TTC28: variants seen among roughly 807,000 people sequenced by gnomAD.
The protein encoded by TTC28 is tetratricopeptide repeat protein 28.
In TTC28, 61 loss-of-function variants were observed where a neutral mutation model predicts 198.0. That is an observed-to-expected ratio of 0.31 (90% CI 0.25 to 0.38). The LOEUF (loss-of-function observed/expected upper bound fraction) is 0.38, where lower values mean the gene tolerates loss of function less well. Among genes scored for constraint, TTC28 ranks in the 10% least tolerant of loss-of-function variants. The pLI is 1.00. For synonymous variants in TTC28, 1,171 were observed against 1,297.8 expected (o/e 0.90, Z 2.10); for missense variants, 2,678 against 3,164.0 (o/e 0.85, Z 3.69).
At chr22:28,502,570 TC>T (rs1442179982) in intron 2 of TTC28, among the ~76,000 whole-genome samples, 3 of 150,886 alleles carry the variant, frequency 2.0e-5, no homozygotes, top group East Asian at 2.0e-4. Flanking sequence ...ATGGTGTGAA[TC>T]CGGGAGGCAG....
chr22:28,044,596 C>A (rs1939789161), intron 12 of TTC28, among the ~76,000 whole-genome samples: 1 of 152,112 alleles, frequency 6.6e-6, no homozygotes, highest in African/African-American at 2.4e-5. Flanking sequence ...AATGCTATCC[C>A]TCCCCGCTCC....
At chr22:28,463,621 A>T (rs1288404709) in intron 2 of TTC28, among the ~76,000 whole-genome samples, 6 of 152,202 alleles carry the variant, frequency 3.9e-5, no homozygotes, top group Non-Finnish European at 2.9e-5. Context: ...AGGGACATGG[A>T]TGAAGCTGGA....
chr22:28,455,617 G>GT (rs2047847365), intron 2 of TTC28, among the ~76,000 whole-genome samples: 1 of 151,992 alleles, frequency 6.6e-6, no homozygotes, highest in Non-Finnish European at 1.5e-5. Flanking sequence ...GGAAGGCTGA[G>GT]GCAGGAGAAT....
At chr22:28,175,978 C>A (rs1033168593) in intron 5 of TTC28, among the ~76,000 whole-genome samples, 1 of 152,084 alleles carries the variant, frequency 6.6e-6, no homozygotes, top group Non-Finnish European at 1.5e-5. Flanking sequence ...TAAACCAGTA[C>A]AACTATTATA....
chr22:27,981,948 GT>G lies in TTC28; in HGVS notation c.*272del. 2.6e-6 allele frequency: 1 copy of G among 380,004 alleles called. No homozygotes were observed. The highest frequency in any genetic ancestry group is 4.7e-6 in the Non-Finnish European group (1 of 214,520). The allele number at this position is 380,004 out of a possible 1,614,324, so 23.5% of individuals were successfully genotyped here. ...TCATATCAAAGATGAGAAGCAGGGA[GT>G]TCAAAGGTAAACAAACATTTGGTGA... On this transcript the variant is annotated 3_prime_UTR_variant, in exon 23 of 23. Coordinates refer to ENST00000397906, the MANE Select transcript of TTC28 (RefSeq NM_001145418.2).
chr22:28,141,657 C>A (rs1450986923), intron 6 of TTC28, among the ~76,000 whole-genome samples: 1 of 152,146 alleles, frequency 6.6e-6, no homozygotes, highest in Non-Finnish European at 1.5e-5. Context: ...GAACCCTTTA[C>A]AACTGTAGCA....
intron 2 of TTC28, among the ~76,000 whole-genome samples, chr22:28,366,241 T>C (rs57301669): frequency 0.016 from 2,463 of 152,264 alleles, 89 homozygotes; most frequent in African/African-American, 0.057. Flanking sequence ...ATCTAAGATT[T>C]CCTATAGCCC....
At chr22:28,015,714 C>A (rs1001376310) in intron 13 of TTC28, among the ~76,000 whole-genome samples, 2 of 151,938 alleles carry the variant, frequency 1.3e-5, no homozygotes, top group African/African-American at 4.8e-5. Flanking sequence ...ACGTGAGACA[C>A]CACACCCCAC....
intron 2 of TTC28, among the ~76,000 whole-genome samples, chr22:28,547,347 G>C (rs1476259292): frequency 1.3e-5 from 2 of 152,104 alleles, no homozygotes; most frequent in Non-Finnish European, 2.9e-5. Flanking sequence ...TGCAGGCAAA[G>C]ATTCATTTAA....
Position 28,296,286 on chromosome 22 carries a change from G to A in TTC28, c.845C>T (p.Ser282Phe). Residue 282 changes from serine (S) to phenylalanine (F), a missense_variant, in exon 5 of 23, where the codon TCT becomes TTT. Physicochemically the swap from Ser to Phe is radical, Grantham distance 155. This residue lies in a region of TTC28 where 775 missense variants were observed against 845.9 expected (regional missense o/e 0.92). Coordinates refer to ENST00000397906, the MANE Select transcript of TTC28 (RefSeq NM_001145418.2). Reference protein sequence around the residue: ...GECRAHGNLGSAFFSKGNYRE... With the variant: ...GECRAHGNLGFAFFSKGNYRE... ...GTAATTTCCTTTGGAGAAGAATGCA[G>A]AGCCCAGATTCCCATGAGCTCGGCA... 6.5e-7 allele frequency: 1 copy of A among 1,550,360 alleles called. No individual in the cohort carries two copies. The highest frequency in any genetic ancestry group is 8.7e-7 in the Non-Finnish European group (1 of 1,146,424).
chr22:27,984,977 G>A (rs974931169), intron 22 of TTC28, among the ~76,000 whole-genome samples: 6 of 152,096 alleles, frequency 3.9e-5, no homozygotes, highest in African/African-American at 7.2e-5. Flanking sequence ...CACACCTGTC[G>A]CCGCGTTCCC....
intron 5 of TTC28, among the ~76,000 whole-genome samples, chr22:28,267,411 C>T (rs1931755388): frequency 6.6e-6 from 1 of 152,112 alleles, no homozygotes; most frequent in African/African-American, 2.4e-5. Context: ...TCACTCAGGA[C>T]ACTAAAACAG....
chr22:28,499,807 A>T (rs2048511156), intron 2 of TTC28, among the ~76,000 whole-genome samples: 2 of 152,184 alleles, frequency 1.3e-5, no homozygotes, highest in East Asian at 1.9e-4. Flanking sequence ...TAGAGTTTTT[A>T]AAATTGGCAT....
chr22:28,014,468 G>A, intron 13 of TTC28, 76 bp from the exon 14 acceptor site: 1 of 1,444,300 alleles, frequency 6.9e-7, no homozygotes, highest in Non-Finnish European at 9.2e-7. Flanking sequence ...TCCAAGCCAT[G>A]CCCCTGTATG....
chr22:28,531,802 A>G (rs2049146001), intron 2 of TTC28, among the ~76,000 whole-genome samples: 1 of 152,232 alleles, frequency 6.6e-6, no homozygotes, highest in African/African-American at 2.4e-5. Context: ...CCTGCTCCTG[A>G]ATGACTACTG....
At chr22:28,576,900 G>A (rs866866436) in intron 2 of TTC28, among the ~76,000 whole-genome samples, 2 of 151,092 alleles carry the variant, frequency 1.3e-5, no homozygotes, top group African/African-American at 4.9e-5. Flanking sequence ...AAGGTTTGTC[G>A]ATTTTATCTT....
intron 2 of TTC28, among the ~76,000 whole-genome samples, chr22:28,372,871 CA>C (rs1167606273): frequency 6.6e-6 from 1 of 152,156 alleles, no homozygotes; most frequent in Non-Finnish European, 1.5e-5. Flanking sequence ...AAATCATTTC[CA>C]AACCTAGAAA....
At chr22:28,096,888 T>G (rs1042129022) in intron 10 of TTC28, among the ~76,000 whole-genome samples, 5 of 151,832 alleles carry the variant, frequency 3.3e-5, no homozygotes, top group African/African-American at 7.3e-5. Context: ...CACTGCAATC[T>G]CCGCCCCCTG....
chr22:28,122,904 G>A (rs553086689), intron 6 of TTC28, among the ~76,000 whole-genome samples: 13 of 152,236 alleles, frequency 8.5e-5, no homozygotes, highest in East Asian at 1.9e-4. Flanking sequence ...TACCTAAGCC[G>A]TTCTTAGGAA....
Sources: allele counts gnomAD v4.1 joint callset (sites outside exome capture counted in the v4.1 genomes callset), GRCh38; gene constraint gnomAD v4.1.1; regional missense constraint gnomAD v4.1.1; transcripts MANE v1.5; gene names NCBI Gene and HGNC (gene_info 2026-07-23, HGNC 2026-07-21).